Variants in KHDRBS2 observed in about 807,000 individuals in gnomAD.
The protein encoded by KHDRBS2 is KH RNA binding domain containing, signal transduction associated 2, also known as KH domain-containing, RNA-binding, signal transduction-associated protein 2.
Under a neutral mutation model 44.3 loss-of-function variants are expected in KHDRBS2, and 26 were observed. The ratio of observed to expected loss-of-function variants is 0.59; its 90% CI spans 0.43 to 0.81. The LOEUF (loss-of-function observed/expected upper bound fraction) is 0.81, where lower values mean the gene tolerates loss of function less well. Among genes scored for constraint, KHDRBS2 ranks in the 40% least tolerant of loss-of-function variants. KHDRBS2 has a pLI of 0.00. For synonymous variants in KHDRBS2, 194 were observed against 151.1 expected (o/e 1.28, Z -2.08); for missense variants, 476 against 433.1 (o/e 1.10, Z -0.88).
chr6:61,775,068 A>G (rs1481587062), intron 6 of KHDRBS2, among the ~76,000 whole-genome samples: 3 of 152,172 alleles, frequency 2.0e-5, no homozygotes, highest in African/African-American at 7.2e-5. Context: ...AGATGCAGAA[A>G]AGACCTTTGA....
At chr6:62,097,579 ATCT>A (rs1198113804) in intron 2 of KHDRBS2, among the ~76,000 whole-genome samples, 2 of 151,868 alleles carry the variant, frequency 1.3e-5, no homozygotes, top group African/African-American at 2.4e-5. Context: ...TTCCATGTGT[ATCT>A]TCTTCTATGA....
intron 4 of KHDRBS2, among the ~76,000 whole-genome samples, chr6:61,966,064 A>G (rs527427861): frequency 6.6e-6 from 1 of 152,132 alleles, no homozygotes; most frequent in Admixed American, 6.6e-5. Flanking sequence ...GTTATGATTG[A>G]TATCAGGGGA....
chr6:61,945,137 A>ATG (rs1813073234), intron 4 of KHDRBS2, among the ~76,000 whole-genome samples: 2 of 104,596 alleles, frequency 1.9e-5, no homozygotes, highest in South Asian at 3.2e-4. Flanking sequence ...ATATATATAT[A>ATG]TATATATATA....
intron 2 of KHDRBS2, among the ~76,000 whole-genome samples, chr6:62,120,920 CTG>C (rs1189010566): frequency 6.6e-6 from 1 of 152,120 alleles, no homozygotes; most frequent in Non-Finnish European, 1.5e-5. Context: ...ACCAGAGTAA[CTG>C]TGCAATGGGG....
chr6:61,596,494 G>C, the KHDRBS2 span, among the ~76,000 whole-genome samples: 1 of 152,046 alleles, frequency 6.6e-6, no homozygotes, highest in Non-Finnish European at 1.5e-5. Flanking sequence ...GACAGAAGCC[G>C]ATCTTCTAGG....
chr6:61,570,635 C>A, the KHDRBS2 span, among the ~76,000 whole-genome samples: 1 of 152,004 alleles, frequency 6.6e-6, no homozygotes, highest in Non-Finnish European at 1.5e-5. Flanking sequence ...TATCTAAAGT[C>A]AAGATGAAGG....
At chr6:62,163,217 A>G (rs1007788739) in intron 2 of KHDRBS2, among the ~76,000 whole-genome samples, 2 of 152,056 alleles carry the variant, frequency 1.3e-5, no homozygotes, top group African/African-American at 4.8e-5. Context: ...CTGGAAGCCA[A>G]TGAAGACAAT....
At chr6:61,792,971 A>G (rs1366978438) in intron 6 of KHDRBS2, among the ~76,000 whole-genome samples, 1 of 152,088 alleles carries the variant, frequency 6.6e-6, no homozygotes, top group South Asian at 2.1e-4. Flanking sequence ...AGTTAAGAAG[A>G]TTAAGACCAG....
At chr6:61,580,524 CTT>C in the KHDRBS2 span, among the ~76,000 whole-genome samples, 1 of 152,254 alleles carries the variant, frequency 6.6e-6, no homozygotes, top group African/African-American at 2.4e-5. Context: ...GCTGCTTACT[CTT>C]TGGGTCTGCT....
intron 3 of KHDRBS2, among the ~76,000 whole-genome samples, chr6:62,024,895 T>C (rs1005210400): frequency 3.6e-4 from 55 of 151,774 alleles, no homozygotes; most frequent in African/African-American, 1.3e-3. Context: ...GTAACAATAA[T>C]ACAACAAATA....
At chr6:62,219,974 T>C (rs1458010411) in intron 1 of KHDRBS2, among the ~76,000 whole-genome samples, 2 of 148,540 alleles carry the variant, frequency 1.3e-5, no homozygotes, top group African/African-American at 2.4e-5. Context: ...TCTGAATATA[T>C]AGTACATATG....
intron 3 of KHDRBS2, among the ~76,000 whole-genome samples, chr6:62,032,009 A>G (rs1784418769): frequency 6.6e-6 from 1 of 152,040 alleles, no homozygotes; most frequent in Non-Finnish European, 1.5e-5. Flanking sequence ...TGTTACTCCA[A>G]CCCCAGCTTT....
chr6:61,801,277 T>C (rs944721647), intron 6 of KHDRBS2, among the ~76,000 whole-genome samples: 6 of 152,162 alleles, frequency 3.9e-5, no homozygotes, highest in Non-Finnish European at 8.8e-5. Context: ...GACATTGATT[T>C]CTATCCTTAA....
At chr6:61,930,523 TA>T (rs755321896) in intron 4 of KHDRBS2, among the ~76,000 whole-genome samples, 12 of 39,220 alleles carry the variant, frequency 3.1e-4, no homozygotes, top group Non-Finnish European at 4.4e-4. Flanking sequence ...ATACCGCCCC[TA>T]AAAAAAAAAA....
At chr6:62,175,117 A>G (rs1820821796) in intron 2 of KHDRBS2, among the ~76,000 whole-genome samples, 2 of 151,856 alleles carry the variant, frequency 1.3e-5, no homozygotes, top group Middle Eastern at 3.4e-3. Context: ...TTGTTGTACT[A>G]TAAAAACCAG....
At chr6:61,999,811 G>A (rs1165594471) in intron 3 of KHDRBS2, among the ~76,000 whole-genome samples, 1 of 151,888 alleles carries the variant, frequency 6.6e-6, no homozygotes, top group Non-Finnish European at 1.5e-5. Flanking sequence ...ATGAGTTTGA[G>A]TTTTTATTTG....
chr6:61,683,583 T>G lies in KHDRBS2; in HGVS notation c.953-2523A>C, dbSNP rs1298069886. Among the ~76,000 whole-genome samples the G allele has an allele frequency of 4.0e-5, 6 of 151,896 alleles. No individual in the cohort carries two copies. In the South Asian group the frequency reaches 8.3e-4, roughly 21 times the overall value. On this transcript the variant is annotated intron_variant, in intron 8 of 8. Coordinates refer to ENST00000281156, the MANE Select transcript of KHDRBS2 (RefSeq NM_152688.4). ...GAGCTAAAGAAATTTAACATTTATT[T>G]AAAAAACTCTTTAATTAGAAATCTT...
intron 1 of KHDRBS2, among the ~76,000 whole-genome samples, chr6:62,215,408 T>C (rs1309848807): frequency 2.0e-5 from 3 of 151,614 alleles, no homozygotes; most frequent in African/African-American, 7.3e-5. Context: ...ATTACTCAGC[T>C]CCTTCCTCCA....
chr6:61,604,808 G>C, the KHDRBS2 span, among the ~76,000 whole-genome samples: 1 of 152,140 alleles, frequency 6.6e-6, no homozygotes, highest in African/African-American at 2.4e-5. Flanking sequence ...TGGATGTGTA[G>C]AGGCCTATCC....
Sources: gnomAD v4.1 joint callset for allele counts (sites outside exome capture counted in the v4.1 genomes callset) on GRCh38, gnomAD v4.1.1 for gene constraint, MANE v1.5 for transcripts, NCBI Gene and HGNC (gene_info 2026-07-23, HGNC 2026-07-21) for gene names.